GRIP1: variants seen among roughly 807,000 people sequenced by gnomAD.
GRIP1 encodes glutamate receptor interacting protein 1, also known as glutamate receptor-interacting protein 1.
A neutral mutation model predicts 129.9 loss-of-function variants in GRIP1; 45 were observed. That is an observed-to-expected ratio of 0.35 (90% confidence interval 0.27 to 0.44). The LOEUF is 0.44. GRIP1 is among the 20% of genes least tolerant of loss of function. GRIP1 has a pLI of 1.00. For missense variants in GRIP1, 1,196 were observed against 1,396.8 expected (o/e 0.86, Z 2.29); for synonymous variants, 530 against 520.8 (o/e 1.02, Z -0.24).
At chr12:66,474,223 G>A (rs1012082978) in intron 7 of GRIP1, among the ~76,000 whole-genome samples, 4 of 151,790 alleles carry the variant, frequency 2.6e-5, no homozygotes, top group Non-Finnish European at 5.9e-5. Flanking sequence ...GCAGAAGAAA[G>A]GATATCAGAG....
At chr12:66,358,921 C>T (rs368289573) in intron 23 of GRIP1, among the ~76,000 whole-genome samples, 1 of 152,146 alleles carries the variant, frequency 6.6e-6, no homozygotes, top group African/African-American at 2.4e-5. Flanking sequence ...TCTCTCTGCC[C>T]GAGGTTCCTG....
intron 8 of GRIP1, 22 bp from the exon 9 acceptor site, chr12:66,463,115 G>A (rs752084573): frequency 8.7e-6 from 14 of 1,605,494 alleles, no homozygotes; most frequent in African/African-American, 1.3e-5. Context: ...AGAAATACTC[G>A]GTAAGAGGCA....
chr12:66,590,135 A>C (rs2063801681), intron 2 of GRIP1, among the ~76,000 whole-genome samples: 1 of 152,176 alleles, frequency 6.6e-6, no homozygotes, highest in Admixed American at 6.5e-5. Flanking sequence ...CTCCGATACC[A>C]CATGTACCTG....
chr12:66,537,089 A>C (rs1402915771), intron 4 of GRIP1, among the ~76,000 whole-genome samples: 1 of 152,122 alleles, frequency 6.6e-6, no homozygotes, highest in Non-Finnish European at 1.5e-5. Context: ...GAGAAAAAAA[A>C]ATGCCTATCT....
intron 1 of GRIP1, among the ~76,000 whole-genome samples, chr12:67,041,770 CA>C (rs199828117): frequency 0.069 from 8,858 of 128,376 alleles, 640 homozygotes; most frequent in African/African-American, 0.19. Context: ...AGCCACAGGA[CA>C]AAAAAAAAAA....
At chr12:66,880,954 T>C (rs971289163) in intron 1 of GRIP1, among the ~76,000 whole-genome samples, 1 of 152,118 alleles carries the variant, frequency 6.6e-6, no homozygotes, top group East Asian at 1.9e-4. Context: ...AGCTCAATAC[T>C]TGAAGTCAGG....
At chr12:66,718,957 G>A (rs2035976470) in intron 1 of GRIP1, among the ~76,000 whole-genome samples, 1 of 151,940 alleles carries the variant, frequency 6.6e-6, no homozygotes, top group African/African-American at 2.4e-5. Context: ...TTTTCTCATA[G>A]AGCACCTTTG....
chr12:66,506,701 CTCTAT>C (rs2060538024), intron 7 of GRIP1, among the ~76,000 whole-genome samples: 1 of 152,126 alleles, frequency 6.6e-6, no homozygotes, highest in South Asian at 2.1e-4. Flanking sequence ...TTAAAGCATA[CTCTAT>C]TCTAATTTAG....
chr12:67,019,198 C>T (rs1399052904), intron 1 of GRIP1, among the ~76,000 whole-genome samples: 2 of 152,292 alleles, frequency 1.3e-5, no homozygotes, highest in East Asian at 3.9e-4. Flanking sequence ...ATTTTACCCA[C>T]AGCTGGCACA....
chr12:66,794,555 A>G (rs955958624), intron 1 of GRIP1, among the ~76,000 whole-genome samples: 25 of 152,198 alleles, frequency 1.6e-4, no homozygotes, highest in African/African-American at 5.5e-4. Context: ...GGAGGATACG[A>G]TTAAAAATAC....
At chr12:66,534,885 G>C (rs1286907390) in intron 4 of GRIP1, among the ~76,000 whole-genome samples, 1 of 152,076 alleles carries the variant, frequency 6.6e-6, no homozygotes. Context: ...GTAGATACAG[G>C]GTTTCACCAT....
At chr12:66,445,643 A>C in intron 11 of GRIP1, 135 bp from the exon 12 acceptor site, 1 of 620,222 alleles carries the variant, frequency 1.6e-6, no homozygotes, top group Non-Finnish European at 2.8e-6. Context: ...CCTCTGGTTT[A>C]GCAAGAGTTG....
chr12:66,410,829 T>C (rs1318748738), intron 15 of GRIP1, among the ~76,000 whole-genome samples: 1 of 152,058 alleles, frequency 6.6e-6, no homozygotes, highest in Non-Finnish European at 1.5e-5. Context: ...GAGAAAGATA[T>C]CAATATTCAA....
At chr12:66,977,706 T>C (rs775950963) in intron 1 of GRIP1, among the ~76,000 whole-genome samples, 8 of 152,126 alleles carry the variant, frequency 5.3e-5, no homozygotes, top group Non-Finnish European at 1.2e-4. Flanking sequence ...TGTTATGTTG[T>C]TGCACGTAAG....
At chr12:66,428,457 T>C (rs563530785) in intron 14 of GRIP1, among the ~76,000 whole-genome samples, 1 of 152,136 alleles carries the variant, frequency 6.6e-6, no homozygotes, top group South Asian at 2.1e-4. Context: ...CTGCAAACAA[T>C]TCAGTCAGAA....
At chr12:66,477,887 T>C (rs1298174695) in intron 7 of GRIP1, among the ~76,000 whole-genome samples, 1 of 152,108 alleles carries the variant, frequency 6.6e-6, no homozygotes, top group Non-Finnish European at 1.5e-5. Context: ...TCAAGATGGA[T>C]TAAAGACTTA....
At chr12:66,531,740 AT>A (rs1204196251) in intron 4 of GRIP1, among the ~76,000 whole-genome samples, 1 of 152,096 alleles carries the variant, frequency 6.6e-6, no homozygotes, top group Non-Finnish European at 1.5e-5. Flanking sequence ...CATTCCAAAT[AT>A]TTTCTTATTT....
intron 1 of GRIP1, among the ~76,000 whole-genome samples, chr12:67,010,342 T>C (rs2042687047): frequency 6.6e-6 from 1 of 152,214 alleles, no homozygotes; most frequent in Non-Finnish European, 1.5e-5. Context: ...ATAGGTGTTT[T>C]ACTTGCCTTC....
intron 1 of GRIP1, among the ~76,000 whole-genome samples, chr12:66,948,256 G>A (rs1261805682): frequency 6.6e-6 from 1 of 152,164 alleles, no homozygotes; most frequent in East Asian, 1.9e-4. Context: ...GACTTTTAGA[G>A]TCCCTCCTTA....
Sources: allele counts gnomAD v4.1 joint callset (sites outside exome capture counted in the v4.1 genomes callset), GRCh38; gene constraint gnomAD v4.1.1; transcripts MANE v1.5; gene names NCBI Gene and HGNC (gene_info 2026-07-23, HGNC 2026-07-21).